Variants in AGTPBP1 observed in about 807,000 individuals in gnomAD.
AGTPBP1 encodes the protein ATP/GTP binding carboxypeptidase 1.
A neutral mutation model predicts 143.9 loss-of-function variants in AGTPBP1; 70 were observed. The observed-to-expected ratio is 0.49, with a 90% confidence interval of 0.40 to 0.59. The LOEUF (loss-of-function observed/expected upper bound fraction) is 0.59. Ranked by LOEUF, AGTPBP1 falls within the 20% of genes least tolerant of loss-of-function variation. AGTPBP1 has a pLI of 0.00. For missense variants in AGTPBP1, 1,229 were observed against 1,464.5 expected, an observed-to-expected ratio of 0.84 and a Z score of 2.62; for synonymous variants, 463 against 500.2, an observed-to-expected ratio of 0.93 and a Z score of 0.99.
At chr9:85,596,585 T>TA (rs1240440615) in intron 17 of AGTPBP1, 136 bp from the exon 18 acceptor site, 2 of 566,960 alleles carry the variant, frequency 3.5e-6, no homozygotes, top group East Asian at 5.9e-5. Context: ...GTATGTATTT[T>TA]AAAAATCTGA....
At chr9:85,724,096 G>A (rs746371551) in intron 1 of AGTPBP1, among the ~76,000 whole-genome samples, 2 of 152,022 alleles carry the variant, frequency 1.3e-5, no homozygotes, top group Non-Finnish European at 2.9e-5. Context: ...AAACCAGCCT[G>A]GCCAAGATGG....
the AGTPBP1 span, among the ~76,000 whole-genome samples, chr9:85,748,850 T>C: frequency 1.3e-5 from 2 of 152,144 alleles, no homozygotes; most frequent in Non-Finnish European, 2.9e-5. Context: ...TCCTCATCTC[T>C]TATAGGCCAT....
rs140576147 is a variant in AGTPBP1, at chr9:85,646,975, T to C, written c.1088-557A>G. ...TACACACACACACACAAATCTCATA[T>C]TGTTTTAAGAAAATTTATGAGGTCA... On this transcript the variant is annotated intron_variant, in intron 11 of 25. Coordinates refer to ENST00000357081, the MANE Select transcript of AGTPBP1 (RefSeq NM_001330701.2). 8.6e-3 allele frequency among the ~76,000 whole-genome samples: 1,311 copies of C among 152,236 alleles called. 9 individuals are homozygous for C. The highest frequency in any genetic ancestry group is 0.015 in the Non-Finnish European group (1,006 of 68,000).
rs773016216 is a variant in AGTPBP1 at position 85,589,513 on chromosome 9, G to C, written c.2722+15C>G. The C allele has an allele frequency of 1.3e-6, 2 of 1,593,718 alleles. No homozygotes were observed. Among genetic ancestry groups the C allele is most frequent in the Non-Finnish European group, 1.7e-6 (2 of 1,171,886 alleles). Reference sequence around the variant, plus strand: ...TGAGAATGACTGCTATTGTGAGTTGGGAAGACAAACTTACTGAAATGGCAG... The same window carrying C: ...TGAGAATGACTGCTATTGTGAGTTGCGAAGACAAACTTACTGAAATGGCAG... On this transcript the variant is annotated intron_variant, in intron 20 of 25. Coordinates refer to ENST00000357081, the MANE Select transcript of AGTPBP1 (RefSeq NM_001330701.2).
chr9:85,802,483 C>CT, the AGTPBP1 span, among the ~76,000 whole-genome samples: 1 of 152,070 alleles, frequency 6.6e-6, no homozygotes, highest in African/African-American at 2.4e-5. Context: ...TTCATGACCA[C>CT]TTATTCAATG....
chr9:85,655,106 G>C, intron 11 of AGTPBP1, 37 bp downstream of exon 11: 1 of 1,497,316 alleles, frequency 6.7e-7, no homozygotes, highest in Non-Finnish European at 8.9e-7. Flanking sequence ...ATAATTCTAA[G>C]AACCCACAAA....
chr9:85,684,589 G>C (rs1835379739), intron 3 of AGTPBP1, among the ~76,000 whole-genome samples: 1 of 151,416 alleles, frequency 6.6e-6, no homozygotes, highest in Non-Finnish European at 1.5e-5. Context: ...TATATTCCCT[G>C]TGATTATTTC....
intron 1 of AGTPBP1, among the ~76,000 whole-genome samples, chr9:85,739,076 T>C (rs1398237352): frequency 6.6e-6 from 1 of 151,562 alleles, no homozygotes; most frequent in East Asian, 1.9e-4. Context: ...ACAAATAACT[T>C]GTCTTAAAAA....
At chr9:85,756,543 G>GGATAGATA in the AGTPBP1 span, among the ~76,000 whole-genome samples, 19 of 147,704 alleles carry the variant, frequency 1.3e-4, no homozygotes, top group South Asian at 2.1e-4. Context: ...ATGGATAGAT[G>GGATAGATA]GATAGATAGA....
At chr9:85,751,859 G>A in the AGTPBP1 span, among the ~76,000 whole-genome samples, 3 of 150,698 alleles carry the variant, frequency 2.0e-5, no homozygotes, top group Admixed American at 6.6e-5. Context: ...AGCCTGCCTC[G>A]GCCTCCCAAA....
chr9:85,774,891 A>T, the AGTPBP1 span, among the ~76,000 whole-genome samples: 1 of 152,248 alleles, frequency 6.6e-6, no homozygotes, highest in Non-Finnish European at 1.5e-5. Flanking sequence ...GATCTCACAC[A>T]TCATTACATT....
intron 25 of AGTPBP1, among the ~76,000 whole-genome samples, chr9:85,561,688 C>T (rs560355564): frequency 1.3e-4 from 19 of 151,938 alleles, no homozygotes; most frequent in Non-Finnish European, 2.5e-4. Flanking sequence ...CTAATGACTG[C>T]ATTAAACAAT....
Position 85,683,347 on chromosome 9 carries a change from C to A in AGTPBP1, c.158-2012G>T, listed in dbSNP as rs536022847. ...AACATTGTTTCAAATATCTAATGTA[C>A]CCTTGATGTAATATTTTAAAGGCCC... is the stretch of plus-strand genomic sequence containing the variant. On this transcript the variant is annotated intron_variant, in intron 3 of 25. Coordinates refer to ENST00000357081, the MANE Select transcript of AGTPBP1 (RefSeq NM_001330701.2). 2.6e-5 allele frequency among the ~76,000 whole-genome samples: 4 copies of A among 152,196 alleles called. No individual in the cohort carries two copies. In the South Asian group the frequency reaches 6.2e-4, roughly 24 times the overall value.
intron 10 of AGTPBP1, among the ~76,000 whole-genome samples, chr9:85,656,616 A>G (rs568139714): frequency 0.017 from 2,523 of 151,964 alleles, 25 homozygotes; most frequent in Middle Eastern, 0.052. Flanking sequence ...AAAAAAAAAG[A>G]GAGGGGGTTG....
the AGTPBP1 span, among the ~76,000 whole-genome samples, chr9:85,784,806 C>T: frequency 1.3e-4 from 20 of 152,204 alleles, no homozygotes; most frequent in Admixed American, 1.3e-3. Context: ...GGGACTGCAG[C>T]AGTCATCTAA....
the AGTPBP1 span, among the ~76,000 whole-genome samples, chr9:85,804,279 A>T: frequency 3.6e-3 from 546 of 152,194 alleles, 8 homozygotes; most frequent in African/African-American, 0.012. Flanking sequence ...CTCTTTCCCC[A>T]ACACAACTTT....
chr9:85,571,134 TAAATA>T (rs1827434492), intron 25 of AGTPBP1, among the ~76,000 whole-genome samples: 2 of 152,212 alleles, frequency 1.3e-5, no homozygotes, highest in South Asian at 4.1e-4. Flanking sequence ...TGTAAATACT[TAAATA>T]TATTCTATAG....
At chr9:85,778,084 C>T in the AGTPBP1 span, among the ~76,000 whole-genome samples, 85 of 152,238 alleles carry the variant, frequency 5.6e-4, no homozygotes, top group African/African-American at 1.9e-3. Context: ...GGCAGGGTGG[C>T]GAGTGGAGAC....
chr9:85,583,149 C>A (rs1388043375), intron 23 of AGTPBP1, among the ~76,000 whole-genome samples: 1 of 151,930 alleles, frequency 6.6e-6, no homozygotes, highest in African/African-American at 2.4e-5. Flanking sequence ...GGAAACAATT[C>A]TACCACACGG....
Sources: allele counts gnomAD v4.1 joint callset (sites outside exome capture counted in the v4.1 genomes callset), GRCh38; gene constraint gnomAD v4.1.1; transcripts MANE v1.5; gene names NCBI Gene and HGNC (gene_info 2026-07-23, HGNC 2026-07-21).